Variants in MACROD1 observed in about 807,000 individuals in gnomAD.
The protein encoded by MACROD1 is mono-ADP ribosylhydrolase 1.
In MACROD1, 31 loss-of-function variants were observed where a neutral mutation model predicts 41.4. The ratio of observed to expected loss-of-function variants is 0.75; its 90% confidence interval spans 0.56 to 1.01. The LOEUF is 1.01. Among genes scored for constraint, MACROD1 ranks in the 50% least tolerant of loss-of-function variants. The probability of loss-of-function intolerance (pLI) is 0.00; values close to 1 mark genes in which losing one functional copy is unlikely to be tolerated. For missense variants in MACROD1, 473 were observed against 460.0 expected, an observed-to-expected ratio of 1.03 and a Z score of -0.26; for synonymous variants, 252 against 203.4, an observed-to-expected ratio of 1.24 and a Z score of -2.03.
At chr11:64,127,395 C>T (rs1179777743) in intron 3 of MACROD1, among the ~76,000 whole-genome samples, 1 of 151,868 alleles carries the variant, frequency 6.6e-6, no homozygotes, top group Non-Finnish European at 1.5e-5. Flanking sequence ...CCGGGCCTTG[C>T]CCCCGAGGCT....
At chr11:64,087,949 G>A (rs959319069) in intron 3 of MACROD1, among the ~76,000 whole-genome samples, 3 of 152,170 alleles carry the variant, frequency 2.0e-5, no homozygotes, top group Admixed American at 1.3e-4. Context: ...AGGGGAGGCC[G>A]GGCCTCCTCA....
intron 4 of MACROD1, among the ~76,000 whole-genome samples, chr11:64,002,231 C>T (rs1336164878): frequency 6.6e-6 from 1 of 152,190 alleles, no homozygotes; most frequent in African/African-American, 2.4e-5. Flanking sequence ...CTGGCACCGG[C>T]TGCTCGAAGT....
At chr11:64,158,789 C>T (rs964316451) in intron 1 of MACROD1, among the ~76,000 whole-genome samples, 19 of 152,192 alleles carry the variant, frequency 1.2e-4, no homozygotes, top group Non-Finnish European at 2.6e-4. Flanking sequence ...AACCTAAGTC[C>T]CTCATGCCCA....
At chr11:64,133,867 A>T (rs1266998168) in intron 3 of MACROD1, among the ~76,000 whole-genome samples, 1 of 152,206 alleles carries the variant, frequency 6.6e-6, no homozygotes, top group East Asian at 1.9e-4. Context: ...ACTACATGGG[A>T]GCGACAGCAA....
intron 3 of MACROD1, among the ~76,000 whole-genome samples, chr11:64,041,016 G>A (rs1481588226): frequency 6.6e-6 from 1 of 151,922 alleles, no homozygotes; most frequent in Non-Finnish European, 1.5e-5. Context: ...CGGGCTGGTT[G>A]GGGATGGCTT....
chr11:64,126,020 C>T (rs1348125503), intron 3 of MACROD1, among the ~76,000 whole-genome samples: 1 of 152,202 alleles, frequency 6.6e-6, no homozygotes, highest in Non-Finnish European at 1.5e-5. Flanking sequence ...AGGCCTCTCT[C>T]ACCTTTCTTG....
At chr11:64,022,114 T>C (rs552934637) in intron 3 of MACROD1, among the ~76,000 whole-genome samples, 1 of 151,202 alleles carries the variant, frequency 6.6e-6, no homozygotes, top group South Asian at 2.1e-4. Context: ...GTGAGGGGGC[T>C]CAGGCAAGAG....
chr11:64,021,974 GATC>G (rs1943163097), intron 3 of MACROD1, among the ~76,000 whole-genome samples: 2 of 57,120 alleles, frequency 3.5e-5, no homozygotes, highest in Non-Finnish European at 6.9e-5. Flanking sequence ...GCGGGCAGTG[GATC>G]TGGAGGGGTG....
At chr11:64,152,449 G>A in intron 1 of MACROD1, 56 bp from the exon 2 acceptor site, 1 of 1,340,938 alleles carries the variant, frequency 7.5e-7, no homozygotes, top group Non-Finnish European at 1.1e-6. Flanking sequence ...CCTGGGGCTT[G>A]CACCCCCACA....
At chr11:64,019,370 C>T (rs562967665) in intron 3 of MACROD1, among the ~76,000 whole-genome samples, 1 of 152,076 alleles carries the variant, frequency 6.6e-6, no homozygotes, top group Non-Finnish European at 1.5e-5. Context: ...GACTGGGGGC[C>T]TGGAAACCTC....
At chr11:64,026,826 A>G (rs1450219001) in intron 3 of MACROD1, among the ~76,000 whole-genome samples, 1 of 152,040 alleles carries the variant, frequency 6.6e-6, no homozygotes, top group East Asian at 1.9e-4. Context: ...GCTCTTCCCA[A>G]GCTGAGCTCC....
intron 3 of MACROD1, among the ~76,000 whole-genome samples, chr11:64,126,361 G>C (rs1261518577): frequency 6.6e-6 from 1 of 152,142 alleles, no homozygotes; most frequent in Non-Finnish European, 1.5e-5. Context: ...AGGTGACGGA[G>C]GGTGGAGTGG....
intron 3 of MACROD1, among the ~76,000 whole-genome samples, chr11:64,097,579 ACT>A (rs752956585): frequency 1.6e-4 from 24 of 152,136 alleles, no homozygotes; most frequent in South Asian, 4.1e-4. Context: ...TGGCTCGCAC[ACT>A]CTCGCAAATA....
Position 64,117,244 on chromosome 11 carries a change from G to A in MACROD1, c.517+33995C>T, listed in dbSNP as rs149882049. 1.0e-4 allele frequency: 168 copies of A among 1,614,200 alleles called. No individual in the cohort carries two copies. The African/African-American group carries it at 1.9e-3, about 18-fold the overall frequency. On this transcript the variant is annotated intron_variant, in intron 3 of 10. Transcript: ENST00000255681. ...GGGAACCTGGCCCAGCTGCTGCTCA[G>A]GAACAACCCTTGGTTTTGTGGCTGC...
intron 8 of MACROD1, 46 bp downstream of exon 8, chr11:63,999,285 T>C: frequency 6.5e-7 from 1 of 1,537,408 alleles, no homozygotes; most frequent in Non-Finnish European, 8.7e-7. Flanking sequence ...GGCTGGTCAC[T>C]CTGGCCGGGA....
intron 3 of MACROD1, among the ~76,000 whole-genome samples, chr11:64,066,567 T>C (rs1648931381): frequency 6.6e-6 from 1 of 150,508 alleles, no homozygotes; most frequent in South Asian, 2.1e-4. Context: ...TACAGTGCAG[T>C]ATGATCCTAC....
At chr11:63,999,103 G>A in intron 8 of MACROD1, 67 bp from the exon 9 acceptor site, 3 of 1,467,550 alleles carry the variant, frequency 2.0e-6, no homozygotes, top group South Asian at 1.3e-5. Context: ...GTGACTGCCT[G>A]CCCTGGTGCA....
chr11:64,124,338 T>C (rs971693876), intron 3 of MACROD1, among the ~76,000 whole-genome samples: 1 of 152,214 alleles, frequency 6.6e-6, no homozygotes, highest in Non-Finnish European at 1.5e-5. Flanking sequence ...AACACGCTCA[T>C]GCTGCTGCTG....
rs1943393093 is a variant in MACROD1, at chr11:64,036,925, C to A, written c.518-21644G>T. On this transcript the variant is annotated intron_variant, in intron 3 of 10. Transcript: ENST00000255681. The surrounding 1 kb of genome is among the most constrained non-coding windows in gnomAD (Gnocchi z 5.6). ...AAGGCTGGGGAGTGTTGTCGCCCAG[C>A]TGCAGGGAACCGTGGTTGATCAGAG... is the stretch of plus-strand genomic sequence containing the variant. Among the ~76,000 whole-genome samples, 1 of 152,176 alleles carries A rather than the reference C, an allele frequency of 6.6e-6. No homozygotes were observed. The highest frequency in any genetic ancestry group is 1.5e-5 in the Non-Finnish European group (1 of 68,024).
Sources: allele counts gnomAD v4.1 joint callset (sites outside exome capture counted in the v4.1 genomes callset), GRCh38; gene constraint gnomAD v4.1.1; non-coding constraint Gnocchi (gnomAD v3.1); transcripts MANE v1.5; gene names NCBI Gene and HGNC (gene_info 2026-07-23, HGNC 2026-07-21).